The following HINT2 variants were observed in gnomAD, a reference collection of about 807,000 sequenced individuals.
HINT2 encodes the protein histidine triad nucleotide binding protein 2, also known as adenosine 5'-monophosphoramidase HINT2.
Under a neutral mutation model 20.0 loss-of-function variants are expected in HINT2, and 17 were observed. That is an observed-to-expected ratio of 0.85 (90% CI 0.58 to 1.27). HINT2 has a LOEUF of 1.27. Among genes scored for constraint, HINT2 ranks in the 50% most tolerant of loss-of-function variants. HINT2 has a pLI of 0.00. For synonymous variants in HINT2, 96 were observed against 84.2 expected (o/e 1.14, Z -0.77); for missense variants, 217 against 211.9 (o/e 1.02, Z -0.15).
intron 1 of HINT2, chr9:35,814,064 G>A (rs1439385013): frequency 2.7e-6 from 1 of 375,674 alleles, no homozygotes; most frequent in Non-Finnish European, 4.8e-6. Context: ...GAGAGACTGG[G>A]GATTTTGGTC....
rs761823973 is a variant in HINT2 at position 35,813,271 on chromosome 9, C to T, written c.395G>A (p.Arg132Gln). 3.2e-5 allele frequency: 52 copies of T among 1,614,034 alleles called. No homozygotes were observed. In the East Asian group the frequency reaches 4.9e-4, roughly 15 times the overall value. Residue 132 changes from arginine to glutamine, a missense_variant, in exon 4 of 5, where the codon CGA (arginine) becomes CAA (glutamine). Transcript: ENST00000259667. ...AAGGGCCAAAAGTCACTCACCAAGTCGGTATCCATCTCCCAGGCCCTCAGC... is the reference window on the plus strand; with the variant it reads ...AAGGGCCAAAAGTCACTCACCAAGTTGGTATCCATCTCCCAGGCCCTCAGC... ...AKAEGLGDGY[R>Q]LVINDGKLGA...
upstream of HINT2, chr9:35,815,049 T>C: frequency 1.5e-6 from 2 of 1,308,942 alleles, no homozygotes; most frequent in Non-Finnish European, 2.0e-6. Context: ...GGGTGGGGAC[T>C]CCGGGCGCGG....
chr9:35,814,748 A>G, intron 1 of HINT2, 151 bp downstream of exon 1: 1 of 641,692 alleles, frequency 1.6e-6, no homozygotes, highest in East Asian at 3.5e-5. Flanking sequence ...CACCAGTTCG[A>G]CCTCACCACA....
chr9:35,813,553 G>C lies in HINT2; in HGVS notation c.223-4C>G. The stretch of plus-strand genomic sequence containing the variant: ...CCACATCACGGAACACAAGACACTG[G>C]GGGAAGTGACAGGCCAGAGGCCACG... On this transcript the variant is annotated splice_region_variant and splice_polypyrimidine_tract_variant and intron_variant, in intron 2 of 4. Transcript: ENST00000259667. The C allele has an allele frequency of 6.2e-7, 1 of 1,614,144 alleles. No individual in the cohort carries two copies. The highest frequency in any genetic ancestry group is 8.5e-7 in the Non-Finnish European group (1 of 1,180,022).
At position 35,813,480 on chromosome 9, in the gene HINT2, G is replaced by A. The variant is rs1050512802; in HGVS notation, c.292C>T (p.Pro98Ser). The A allele has an allele frequency of 6.2e-7, 1 of 1,614,138 alleles. No homozygotes were observed. Among genetic ancestry groups the A allele is most frequent in the South Asian group, 1.1e-5 (1 of 91,068 alleles). Residue 98 changes from proline (P) to serine (S), a missense_variant, in exon 3 of 5, where the codon CCT (proline) becomes TCT (serine). Coordinates refer to ENST00000259667, the MANE Select transcript of HINT2 (RefSeq NM_032593.3). ...TCTTCTTCAGCCTGGCTAATCCGAG[G>A]AATGGGCTTCTTAGGAATGACCAGG... ...HFLVIPKKPI[P>S]RISQAEEEDQ... is the part of the protein sequence containing the mutation.
At chr9:35,813,922 C>T in intron 1 of HINT2, 138 bp from the exon 2 acceptor site, 1 of 967,674 alleles carries the variant, frequency 1.0e-6, no homozygotes, top group South Asian at 1.7e-5. Flanking sequence ...GCACCAGCAG[C>T]AAAGGGTAGG....
chr9:35,813,518 G>A lies in HINT2; in HGVS notation c.254C>T (p.Ala85Val). 6.2e-7 allele frequency: 1 copy of A among 1,614,202 alleles called. No homozygotes were observed. Among genetic ancestry groups the A allele is most frequent in the Non-Finnish European group, 8.5e-7 (1 of 1,180,038 alleles). ...CLVFRDVAPQ[A>V]PVHFLVIPKK... Reference sequence around the variant, plus strand: ...AGGAATGACCAGGAAGTGCACAGGAGCCTGAGGGGCCACATCACGGAACAC... The same window carrying A: ...AGGAATGACCAGGAAGTGCACAGGAACCTGAGGGGCCACATCACGGAACAC... The change falls in exon 3 of 5, where the codon GCT becomes GTT. Residue 85 changes from alanine to valine, a missense_variant. Transcript: ENST00000259667.
Position 35,813,477 on chromosome 9 carries a change from G to C in HINT2, c.295C>G (p.Arg99Gly). The C allele has an allele frequency of 6.2e-7, 1 of 1,614,158 alleles. No individual in the cohort carries two copies. The highest frequency in any genetic ancestry group is 2.2e-5 in the East Asian group (1 of 44,888). ...TCTTCTTCTTCAGCCTGGCTAATCC[G>C]AGGAATGGGCTTCTTAGGAATGACC... ...FLVIPKKPIP[R>G]ISQAEEEDQQ... The change falls in exon 3 of 5, where the codon CGG becomes GGG. Residue 99 changes from arginine to glycine, a missense_variant. By Grantham distance (125) the Arg-to-Gly change is moderately radical (BLOSUM62 -2). Coordinates refer to ENST00000259667, the MANE Select transcript of HINT2 (RefSeq NM_032593.3).
At position 35,813,339 on chromosome 9, in the gene HINT2, C is replaced by G. The variant is rs768059006; in HGVS notation, c.328-1G>C. The G allele has an allele frequency of 6.2e-7, 1 of 1,613,870 alleles. No homozygotes were observed. The highest frequency in any genetic ancestry group is 8.5e-7 in the Non-Finnish European group (1 of 1,179,760). On this transcript the variant is annotated splice_acceptor_variant, in intron 3 of 4. Coordinates refer to ENST00000259667, the MANE Select transcript of HINT2 (RefSeq NM_032593.3). LOFTEE classifies it high-confidence loss of function. Reference sequence around the variant, plus strand: ...CCACAAGGAGTAGGTGTCCTAGAAGCTATAGAGAGAGCGGAGGGACATAGG... The same window carrying G: ...CCACAAGGAGTAGGTGTCCTAGAAGGTATAGAGAGAGCGGAGGGACATAGG...
At chr9:35,814,617 A>C in intron 1 of HINT2, 5 of 412,132 alleles carry the variant, frequency 1.2e-5, no homozygotes, top group Middle Eastern at 6.3e-4. Flanking sequence ...TGCAGGGGGC[A>C]TCGGGCCAGC....
chr9:35,813,512 A>C lies in HINT2; in HGVS notation c.260T>G (p.Val87Gly). 6.2e-7 allele frequency: 1 copy of C among 1,614,176 alleles called. No homozygotes were observed. The highest frequency in any genetic ancestry group is 1.1e-5 in the South Asian group (1 of 91,072). The change falls in exon 3 of 5, where the codon GTG becomes GGG. Residue 87 changes from valine to glycine, a missense_variant. Coordinates refer to ENST00000259667, the MANE Select transcript of HINT2 (RefSeq NM_032593.3). ...CTTCTTAGGAATGACCAGGAAGTGC[A>C]CAGGAGCCTGAGGGGCCACATCACG... Reference protein sequence around the residue: ...VFRDVAPQAPVHFLVIPKKPI... With the variant: ...VFRDVAPQAPGHFLVIPKKPI...
Position 35,813,658 on chromosome 9 carries a change from A to G in HINT2, c.208T>C (p.Tyr70His), listed in dbSNP as rs765582404. 1.7e-5 allele frequency: 27 copies of G among 1,614,002 alleles called. No homozygotes were observed. The highest frequency in any genetic ancestry group is 3.3e-5 in the Admixed American group (2 of 60,010). Residue 70 changes from tyrosine (Y) to histidine (H), a missense_variant, in exon 2 of 5, where the codon TAT becomes CAT. Coordinates refer to ENST00000259667, the MANE Select transcript of HINT2 (RefSeq NM_032593.3). The stretch of plus-strand genomic sequence containing the variant: ...GAGCACCCCACCTGCTGGTCCTCAT[A>G]GAGAATGTCAGCTGGGAGGCTCTTG... ...LDKSLPADIL[Y>H]EDQQCLVFRD...
chr9:35,814,292 G>A (rs1232115998), intron 1 of HINT2: 1 of 156,276 alleles, frequency 6.4e-6, no homozygotes, highest in African/African-American at 2.4e-5. Context: ...CAATCGCCCT[G>A]TTTGACACTA....
At chr9:35,814,749 C>A in intron 1 of HINT2, 150 bp downstream of exon 1, 1 of 654,992 alleles carries the variant, frequency 1.5e-6, no homozygotes. Flanking sequence ...ACCAGTTCGA[C>A]CTCACCACAC....
In HINT2 at chr9:35,814,955, C is replaced by G; in HGVS notation, c.25G>C (p.Ala9Pro). 1 of 1,479,452 alleles carries G rather than the reference C, an allele frequency of 6.8e-7. No individual in the cohort carries two copies. The highest frequency in any genetic ancestry group is 8.9e-7 in the Non-Finnish European group (1 of 1,122,544). 91.6% of individuals were successfully genotyped at this position (1,479,452 alleles called of 1,614,324 possible). A position where few individuals can be genotyped will look rare whatever the true frequency, so the allele number is the denominator to read the frequency against. Residue 9 changes from alanine to proline, a missense_variant, in exon 1 of 5, where the codon GCT (alanine) becomes CCT (proline). Physicochemically the swap from Ala to Pro is conservative, Grantham distance 27. Coordinates refer to ENST00000259667, the MANE Select transcript of HINT2 (RefSeq NM_032593.3). MAAAVVLAAGLRAARRAVA... is the reference protein window; with the variant it reads MAAAVVLAPGLRAARRAVA... Reference sequence around the variant, plus strand: ...GCTCTGCGCGCCGCGCGCAACCCAGCAGCCAGCACCACGGCTGCCGCCATC... The same window carrying G: ...GCTCTGCGCGCCGCGCGCAACCCAGGAGCCAGCACCACGGCTGCCGCCATC...
chr9:35,814,385 T>C (rs1828960068), intron 1 of HINT2: 1 of 154,864 alleles, frequency 6.5e-6, no homozygotes. Flanking sequence ...AGAGTTCAGC[T>C]AAGTGACCTC....
At position 35,813,081 on chromosome 9, in the gene HINT2, GC is replaced by G; in HGVS notation, c.464del (p.Gly155AlafsTer14). On this transcript the variant is annotated frameshift_variant, in exon 5 of 5. Coordinates refer to ENST00000259667, the MANE Select transcript of HINT2 (RefSeq NM_032593.3). LOFTEE classifies it high-confidence loss of function. ...AACCTGGAGGCCACTGGAGCTGCCG[GC>G]CCCCAAGTACATGAATGTGCAGATG... Reference protein sequence around the residue: ...VYHLHIHVLGGRQLQWPPG With the variant: ...VYHLHIHVLGXRQLQWPPG The G allele has an allele frequency of 6.2e-7, 1 of 1,614,158 alleles. No individual in the cohort carries two copies. The highest frequency in any genetic ancestry group is 8.5e-7 in the Non-Finnish European group (1 of 1,179,988).
Position 35,813,344 on chromosome 9 carries a change from G to GAGAGAGC in HINT2, c.328-13_328-7dup. On this transcript the variant is annotated splice_polypyrimidine_tract_variant and splice_region_variant and intron_variant, in intron 3 of 4. Coordinates refer to ENST00000259667, the MANE Select transcript of HINT2 (RefSeq NM_032593.3). ...AGGAGTAGGTGTCCTAGAAGCTATA[G>GAGAGAGC]AGAGAGCGGAGGGACATAGGTGGCT... is the stretch of plus-strand genomic sequence containing the variant. The GAGAGAGC allele has an allele frequency of 6.2e-7, 1 of 1,613,454 alleles. No homozygotes were observed. The highest frequency in any genetic ancestry group is 8.5e-7 in the Non-Finnish European group (1 of 1,179,378).
At chr9:35,813,931 G>A (rs1243546685) in intron 1 of HINT2, 147 bp from the exon 2 acceptor site, 2 of 842,756 alleles carry the variant, frequency 2.4e-6, no homozygotes, top group Non-Finnish European at 3.6e-6. Context: ...GCAAAGGGTA[G>A]GGCCAGAAGG....
Sources: gnomAD v4.1 joint callset for allele counts on GRCh38, gnomAD v4.1.1 for gene constraint, MANE v1.5 for transcripts, NCBI Gene and HGNC (gene_info 2026-07-23, HGNC 2026-07-21) for gene names.